USP24: variants seen among roughly 807,000 people sequenced by gnomAD.
USP24 encodes the protein ubiquitin carboxyl-terminal hydrolase 24.
Under a neutral mutation model 361.6 loss-of-function variants are expected in USP24, and 97 were observed. The ratio of observed to expected loss-of-function variants is 0.27; its 90% CI spans 0.23 to 0.32. The LOEUF (loss-of-function observed/expected upper bound fraction) is 0.32, where lower values mean the gene tolerates loss of function less well. Ranked by LOEUF, USP24 falls within the 10% of genes least tolerant of loss-of-function variation. The probability of loss-of-function intolerance (pLI) is 1.00; values close to 1 mark genes in which losing one functional copy is unlikely to be tolerated. For synonymous variants in USP24, 1,098 were observed against 1,124.6 expected, an observed-to-expected ratio of 0.98 and a Z score of 0.47; for missense variants, 2,353 against 3,165.6, an observed-to-expected ratio of 0.74 and a Z score of 6.16.
Position 55,071,939 on chromosome 1 carries a change from AAC to A in USP24, c.7690-17_7690-16del. On this transcript the variant is annotated splice_polypyrimidine_tract_variant and intron_variant, in intron 66 of 67. Transcript: ENST00000294383. Reference sequence around the variant, plus strand: ...GCTAACGTGTCCTGCAGAAGATTCAAACACAAGACGACAAAGTTAGGGCCCAT... The same window carrying A: ...GCTAACGTGTCCTGCAGAAGATTCAAACAAGACGACAAAGTTAGGGCCCAT... The A allele has an allele frequency of 1.9e-6, 3 of 1,594,850 alleles. No homozygotes were observed. Among genetic ancestry groups the A allele is most frequent in the Non-Finnish European group, 2.6e-6 (3 of 1,169,604 alleles).
chr1:55,145,839 A>C (rs1647013977), intron 20 of USP24, among the ~76,000 whole-genome samples, 159 bp downstream of exon 20: 1 of 152,202 alleles, frequency 6.6e-6, no homozygotes, highest in Admixed American at 6.5e-5. Flanking sequence ...TGTAGAAAGG[A>C]ATTTGAGTAC....
At chr1:55,133,964 A>C (rs543807027) in intron 30 of USP24, 106 bp downstream of exon 30, 1 of 1,064,338 alleles carries the variant, frequency 9.4e-7, no homozygotes, top group African/African-American at 1.6e-5. Flanking sequence ...AAGAAAAAAC[A>C]TTATGGGAAA....
At chr1:55,208,620 C>G (rs1342950656) in intron 1 of USP24, among the ~76,000 whole-genome samples, 1 of 151,372 alleles carries the variant, frequency 6.6e-6, no homozygotes, top group Non-Finnish European at 1.5e-5. Context: ...CAAAACTACA[C>G]TCTGTCTCAA....
intron 7 of USP24, among the ~76,000 whole-genome samples, chr1:55,164,236 A>G (rs1648590093): frequency 6.6e-6 from 1 of 151,916 alleles, no homozygotes; most frequent in Admixed American, 6.6e-5. Flanking sequence ...AGAAAAAGAG[A>G]GAGAGAGAAA....
intron 38 of USP24, 145 bp downstream of exon 38, chr1:55,120,451 T>G (rs1646247971): frequency 1.1e-6 from 1 of 892,338 alleles, no homozygotes; most frequent in African/African-American, 1.7e-5. Flanking sequence ...CCTATCCAAA[T>G]GCCATCTTTC....
intron 34 of USP24, 35 bp downstream of exon 34, chr1:55,125,285 G>C: frequency 6.3e-7 from 1 of 1,587,622 alleles, no homozygotes; most frequent in Non-Finnish European, 8.6e-7. Flanking sequence ...CTGAATAAGA[G>C]GGACTAAAAT....
rs914060147 is a variant in USP24 at position 55,154,476 on chromosome 1, G to A, written c.1555-10C>T. 5.8e-6 allele frequency: 9 copies of A among 1,549,002 alleles called. No homozygotes were observed. The East Asian group carries it at 7.3e-5, about 13-fold the overall frequency. ...TCTCAGTCTCCCAGCTCTGTAGAAC[G>A]GAAAAGACACAGGAATTGCTTCACG... On this transcript the variant is annotated splice_polypyrimidine_tract_variant and intron_variant, in intron 13 of 67. Coordinates refer to ENST00000294383, the MANE Select transcript of USP24 (RefSeq NM_015306.3).
At chr1:55,157,093 C>T (rs764444185) in intron 11 of USP24, 42 bp from the exon 12 acceptor site, 47 of 1,493,076 alleles carry the variant, frequency 3.1e-5, no homozygotes, top group Non-Finnish European at 4.0e-5. Context: ...ATATAGTGAA[C>T]ACTGACTCTC....
At chr1:55,105,406 G>A (rs560055491) in intron 41 of USP24, among the ~76,000 whole-genome samples, 2 of 152,174 alleles carry the variant, frequency 1.3e-5, no homozygotes, top group South Asian at 4.1e-4. Flanking sequence ...ATACCTCTTA[G>A]GATTCCACAA....
intron 1 of USP24, among the ~76,000 whole-genome samples, chr1:55,196,144 G>A (rs1462230778): frequency 3.9e-5 from 6 of 151,938 alleles, no homozygotes; most frequent in African/African-American, 1.5e-4. Flanking sequence ...CCTCTTCCTG[G>A]AAACACCTCT....
intron 1 of USP24, among the ~76,000 whole-genome samples, chr1:55,183,454 C>A (rs951168056): frequency 1.3e-5 from 2 of 152,084 alleles, no homozygotes; most frequent in African/African-American, 2.4e-5. Context: ...GGTTACTTCT[C>A]TGTAAATGTA....
chr1:55,114,925 C>T (rs1242732874), intron 38 of USP24, among the ~76,000 whole-genome samples: 1 of 152,070 alleles, frequency 6.6e-6, no homozygotes, highest in African/African-American at 2.4e-5. Flanking sequence ...AGCTTCTGCA[C>T]AGCAAAAGAA....
intron 16 of USP24, chr1:55,152,049 T>C (rs1471341410): frequency 1.1e-6 from 1 of 934,752 alleles, no homozygotes. Context: ...CCTGGAGCCA[T>C]ATCCAGGGGG....
intron 8 of USP24, among the ~76,000 whole-genome samples, chr1:55,160,369 G>T (rs1036515770): frequency 3.3e-5 from 5 of 152,216 alleles, no homozygotes; most frequent in Non-Finnish European, 5.9e-5. Context: ...AATGCCAATT[G>T]TATAGGAAGG....
At chr1:55,189,162 A>G (rs1313896313) in intron 1 of USP24, among the ~76,000 whole-genome samples, 1 of 152,126 alleles carries the variant, frequency 6.6e-6, no homozygotes, top group East Asian at 1.9e-4. Context: ...AATATTCATA[A>G]GAGAAATGGA....
chr1:55,173,084 G>A (rs1649614875), intron 3 of USP24, among the ~76,000 whole-genome samples: 1 of 151,820 alleles, frequency 6.6e-6, no homozygotes, highest in African/African-American at 2.4e-5. Flanking sequence ...TGTATTGCAC[G>A]GATTCTAACA....
chr1:55,073,493 A>T (rs1191031165), intron 64 of USP24, among the ~76,000 whole-genome samples: 1 of 152,192 alleles, frequency 6.6e-6, no homozygotes, highest in Non-Finnish European at 1.5e-5. Flanking sequence ...GAGCCTGAAG[A>T]GCTGGTAGCT....
At chr1:55,121,931 C>A (rs978112488) in intron 36 of USP24, among the ~76,000 whole-genome samples, 1 of 152,110 alleles carries the variant, frequency 6.6e-6, no homozygotes, top group Non-Finnish European at 1.5e-5. Flanking sequence ...CGAAATCAAA[C>A]AGCTAAGGGT....
rs1645102834 is a variant in USP24, at chr1:55,079,668, G to A, written c.7079-9C>T. 6.6e-7 allele frequency: 1 copy of A among 1,524,778 alleles called. No homozygotes were observed. The highest frequency in any genetic ancestry group is 1.5e-5 in the African/African-American group (1 of 68,866). The allele number at this position is 1,524,778 out of a possible 1,614,324, so 94.5% of individuals were successfully genotyped here. On this transcript the variant is annotated splice_polypyrimidine_tract_variant and intron_variant, in intron 59 of 67. Transcript: ENST00000294383. The stretch of plus-strand genomic sequence containing the variant: ...CTTAAATATGCCAGGAGCTTTAGGA[G>A]ACCAAAGAAACAAAACAGAACCTGT...
Sources: allele counts gnomAD v4.1 joint callset (sites outside exome capture counted in the v4.1 genomes callset), GRCh38; gene constraint gnomAD v4.1.1; transcripts MANE v1.5; gene names NCBI Gene and HGNC (gene_info 2026-07-23, HGNC 2026-07-21).